Variants in RSRC1 observed in about 807,000 individuals in gnomAD.
RSRC1 encodes serine/Arginine-related protein 53.
A neutral mutation model predicts 49.1 loss-of-function variants in RSRC1; 39 were observed. The observed-to-expected ratio is 0.79, with a 90% CI of 0.61 to 1.04. RSRC1 has a LOEUF of 1.04. Among genes scored for constraint, RSRC1 ranks in the 50% least tolerant of loss-of-function variants. The pLI is 0.00. For synonymous variants in RSRC1, 143 were observed against 130.8 expected, an observed-to-expected ratio of 1.09 and a Z score of -0.63; for missense variants, 388 against 402.4, an observed-to-expected ratio of 0.96 and a Z score of 0.31.
At chr3:158,220,003 G>A (rs144654301) in intron 4 of RSRC1, among the ~76,000 whole-genome samples, 41 of 151,714 alleles carry the variant, frequency 2.7e-4, no homozygotes, top group African/African-American at 9.6e-4. Context: ...CTAAAGTCTT[G>A]TAGACCTGCC....
chr3:158,144,425 G>C (rs1015146812), intron 3 of RSRC1, among the ~76,000 whole-genome samples: 4 of 152,040 alleles, frequency 2.6e-5, no homozygotes, highest in Non-Finnish European at 5.9e-5. Context: ...GAGAATGATG[G>C]TTTCCAGCTT....
chr3:158,509,798 A>G (rs962225571), intron 7 of RSRC1, among the ~76,000 whole-genome samples: 3 of 152,266 alleles, frequency 2.0e-5, no homozygotes, highest in Non-Finnish European at 2.9e-5. Flanking sequence ...GTTGTATAAT[A>G]TTCTATTTTT....
At chr3:158,306,433 C>A (rs1266058356) in intron 5 of RSRC1, among the ~76,000 whole-genome samples, 2 of 151,832 alleles carry the variant, frequency 1.3e-5, no homozygotes, top group Non-Finnish European at 2.9e-5. Context: ...AATACTATTA[C>A]TATATCATTT....
intron 6 of RSRC1, among the ~76,000 whole-genome samples, chr3:158,369,301 T>C (rs551613076): frequency 6.6e-5 from 10 of 152,258 alleles, no homozygotes; most frequent in South Asian, 2.1e-4. Flanking sequence ...TAGGATTCAA[T>C]TCTAAAATAT....
intron 7 of RSRC1, among the ~76,000 whole-genome samples, chr3:158,520,044 G>C (rs1711570044): frequency 6.6e-6 from 1 of 152,138 alleles, no homozygotes; most frequent in Non-Finnish European, 1.5e-5. Flanking sequence ...TGACGGACTG[G>C]AGAAGAAATA....
At chr3:158,472,191 T>G (rs1738166363) in intron 7 of RSRC1, among the ~76,000 whole-genome samples, 1 of 152,180 alleles carries the variant, frequency 6.6e-6, no homozygotes, top group Non-Finnish European at 1.5e-5. Flanking sequence ...GGTTGTTTTT[T>G]ATTCATTATC....
intron 3 of RSRC1, among the ~76,000 whole-genome samples, chr3:158,177,873 T>G (rs1349714334): frequency 1.3e-5 from 2 of 152,292 alleles, no homozygotes; most frequent in Non-Finnish European, 1.5e-5. Context: ...TAGAATCATC[T>G]TGACTGTTTC....
intron 4 of RSRC1, among the ~76,000 whole-genome samples, chr3:158,257,587 A>G (rs1302092079): frequency 1.3e-5 from 2 of 151,980 alleles, no homozygotes; most frequent in Non-Finnish European, 2.9e-5. Context: ...TTTTCTATCC[A>G]TTCAGGCACT....
chr3:158,319,558 G>A (rs1041035440), intron 5 of RSRC1, among the ~76,000 whole-genome samples: 25 of 152,104 alleles, frequency 1.6e-4, no homozygotes, highest in African/African-American at 6.0e-4. Context: ...CTCAGTGTAG[G>A]CTGTTTAGCT....
rs905376877 is a variant in RSRC1 at position 158,122,187 on chromosome 3, G to A, written c.83G>A (p.Ser28Asn). Reference sequence around the variant, plus strand: ...CACCGTAGACGGTCCTCCTCGAGCAGTTCTTCAGATAGTAGAACATACAGC... The same window carrying A: ...CACCGTAGACGGTCCTCCTCGAGCAATTCTTCAGATAGTAGAACATACAGC... ...KKHRRRSSSS[S>N]SSDSRTYSRK... The change falls in exon 2 of 10, where the codon AGT becomes AAT. Residue 28 changes from serine to asparagine, a missense_variant. Transcript: ENST00000611884. 1.2e-6 allele frequency: 2 copies of A among 1,607,068 alleles called. No individual in the cohort carries two copies.
intron 3 of RSRC1, among the ~76,000 whole-genome samples, chr3:158,179,919 T>C (rs1719479775): frequency 6.6e-6 from 1 of 152,206 alleles, no homozygotes; most frequent in Non-Finnish European, 1.5e-5. Flanking sequence ...TAATGTTATC[T>C]GATCTGATAG....
chr3:158,285,280 T>C (rs1726452888), intron 4 of RSRC1, among the ~76,000 whole-genome samples: 1 of 152,246 alleles, frequency 6.6e-6, no homozygotes, highest in African/African-American at 2.4e-5. Flanking sequence ...AGTACCATGC[T>C]GTTTTGGTTA....
intron 6 of RSRC1, among the ~76,000 whole-genome samples, chr3:158,373,420 T>C (rs1487243064): frequency 6.6e-6 from 1 of 151,896 alleles, no homozygotes; most frequent in Non-Finnish European, 1.5e-5. Context: ...TTATTTTGCT[T>C]CAAATTCTTG....
intron 7 of RSRC1, among the ~76,000 whole-genome samples, chr3:158,467,793 A>G (rs1737954582): frequency 6.6e-6 from 1 of 152,228 alleles, no homozygotes; most frequent in Non-Finnish European, 1.5e-5. Flanking sequence ...TTGAAACTTC[A>G]GAAACTGTAT....
chr3:158,126,953 T>A (rs1005657009), intron 3 of RSRC1, among the ~76,000 whole-genome samples: 8 of 152,134 alleles, frequency 5.3e-5, no homozygotes, highest in African/African-American at 1.7e-4. Flanking sequence ...ATCACCTGAT[T>A]CCTTTCTGGC....
At chr3:158,380,277 C>G (rs1459106122) in intron 6 of RSRC1, among the ~76,000 whole-genome samples, 4 of 152,158 alleles carry the variant, frequency 2.6e-5, no homozygotes, top group South Asian at 2.1e-4. Context: ...GATATCTGTG[C>G]TGCTTTGTGA....
At chr3:158,282,525 G>A (rs941770961) in intron 4 of RSRC1, among the ~76,000 whole-genome samples, 5 of 152,114 alleles carry the variant, frequency 3.3e-5, no homozygotes, top group African/African-American at 1.2e-4. Context: ...ACAATAATTA[G>A]TAATATTTGC....
chr3:158,280,164 C>T (rs1403950568), intron 4 of RSRC1, among the ~76,000 whole-genome samples: 2 of 152,040 alleles, frequency 1.3e-5, no homozygotes, highest in Non-Finnish European at 1.5e-5. Flanking sequence ...ATTCAAAGCT[C>T]ACCGAATTTG....
At chr3:158,373,162 A>C (rs940722995) in intron 6 of RSRC1, among the ~76,000 whole-genome samples, 3 of 151,860 alleles carry the variant, frequency 2.0e-5, no homozygotes, top group African/African-American at 7.2e-5. Flanking sequence ...GTTTTTCTAC[A>C]TAAACAATGA....
Sources: gnomAD v4.1 joint callset for allele counts (sites outside exome capture counted in the v4.1 genomes callset) on GRCh38, gnomAD v4.1.1 for gene constraint, MANE v1.5 for transcripts, NCBI Gene and HGNC (gene_info 2026-07-23, HGNC 2026-07-21) for gene names.